The following ZNF331 variants were observed in gnomAD, a reference collection of about 807,000 sequenced individuals.
ZNF331 encodes zinc finger protein 331.
ZNF331 carries 2 observed loss-of-function variants against 7.0 expected under a neutral mutation model. That is an observed-to-expected ratio of 0.29 (90% CI 0.12 to 0.90). ZNF331 has a LOEUF of 0.90. Ranked by LOEUF, ZNF331 falls within the 40% of genes least tolerant of loss-of-function variation. The pLI, the probability that ZNF331 is intolerant of heterozygous loss-of-function variation, is 0.58. For missense variants in ZNF331, 432 were observed against 587.7 expected, an observed-to-expected ratio of 0.74 and a Z score of 2.74; for synonymous variants, 196 against 205.4, an observed-to-expected ratio of 0.95 and a Z score of 0.39.
At chr19:53,521,650 A>C (rs1210192782) in exon 1 of ZNF331, 1 of 152,488 alleles carries the variant, frequency 6.6e-6, no homozygotes, top group Non-Finnish European at 1.5e-5. Context: ...CAGAGGTGGC[A>C]CGGCCAGGAC....
chr19:53,546,322 CTT>C (rs1242489638), intron 2 of ZNF331, among the ~76,000 whole-genome samples: 2 of 152,000 alleles, frequency 1.3e-5, no homozygotes, highest in Non-Finnish European at 2.9e-5. Flanking sequence ...ACTTAGGACT[CTT>C]TACTCTTTAT....
chr19:53,565,950 A>C (rs1418818692), intron 3 of ZNF331, among the ~76,000 whole-genome samples: 6 of 152,194 alleles, frequency 3.9e-5, no homozygotes, highest in Non-Finnish European at 8.8e-5. Flanking sequence ...TTTTGTTGCA[A>C]CAAATAGGTG....
Position 53,560,478 on chromosome 19 carries a change from G to A in ZNF331, c.-74+4570G>A, listed in dbSNP as rs1393667750. Reference sequence around the variant, plus strand: ...GTTCCATAACAGGAAGGTTATGCCTGATTCAGTGACACTACTTTTTCAATA... The same window carrying A: ...GTTCCATAACAGGAAGGTTATGCCTAATTCAGTGACACTACTTTTTCAATA... On this transcript the variant is annotated intron_variant, in intron 3 of 5. Transcript: ENST00000449416. The surrounding 1 kb of genome is among the most constrained non-coding windows in gnomAD (Gnocchi z 4.3). Among the ~76,000 whole-genome samples the A allele has an allele frequency of 6.6e-6, 1 of 152,150 alleles. No individual in the cohort carries two copies. Among genetic ancestry groups the A allele is most frequent in the Non-Finnish European group, 1.5e-5 (1 of 68,018 alleles).
At chr19:53,562,563 G>A (rs937834629) in intron 3 of ZNF331, among the ~76,000 whole-genome samples, 4 of 151,678 alleles carry the variant, frequency 2.6e-5, no homozygotes, top group Admixed American at 1.3e-4. Context: ...GGTGGCAAGC[G>A]CCTATAATCC....
the ZNF331 span, among the ~76,000 whole-genome samples, chr19:53,514,403 A>G: frequency 6.6e-6 from 1 of 150,960 alleles, no homozygotes; most frequent in Non-Finnish European, 1.5e-5. Context: ...GTTTCACCAT[A>G]TCGGTCAGGC....
At chr19:53,509,195 G>T in the ZNF331 span, among the ~76,000 whole-genome samples, 1 of 152,164 alleles carries the variant, frequency 6.6e-6, no homozygotes, top group Non-Finnish European at 1.5e-5. Flanking sequence ...CTAGTGAGGA[G>T]TGTGCCCTTT....
intron 2 of ZNF331, among the ~76,000 whole-genome samples, chr19:53,527,129 C>T (rs1048919566): frequency 1.3e-5 from 2 of 151,764 alleles, no homozygotes; most frequent in Non-Finnish European, 2.9e-5. Flanking sequence ...TTGGAGGTTG[C>T]AGTGAGAGCC....
chr19:53,572,561 C>CACACACATATATATTATATAT lies in ZNF331; in HGVS notation c.136+836_136+837insCATATATATTATATATACACA, dbSNP rs1568542227. Among the ~76,000 whole-genome samples the CACACACATATATATTATATAT allele has an allele frequency of 8.7e-5, 9 of 103,888 alleles. No individual in the cohort carries two copies. In the East Asian group the frequency reaches 1.1e-3, roughly 13 times the overall value. 68.2% of individuals were successfully genotyped at this position (103,888 alleles called of 152,430 possible). ...CACACACATATATATTATATATACA[C>CACACACATATATATTATATAT]ACACATATATATTATATATACACAT... On this transcript the variant is annotated intron_variant, in intron 5 of 5. Coordinates refer to ENST00000449416, the MANE Select transcript of ZNF331 (RefSeq NM_001079906.2).
chr19:53,538,594 G>GTGC (rs1376605939), intron 1 of ZNF331: 1 of 152,972 alleles, frequency 6.5e-6, no homozygotes, highest in African/African-American at 2.4e-5. Flanking sequence ...TAGCATGGCC[G>GTGC]TGCTGGGCGT....
At chr19:53,561,723 T>G (rs1207668387) in intron 3 of ZNF331, among the ~76,000 whole-genome samples, 1 of 152,076 alleles carries the variant, frequency 6.6e-6, no homozygotes, top group Non-Finnish European at 1.5e-5. Context: ...CATGGTGGTG[T>G]GTGCCTATGG....
At chr19:53,559,964 A>C (rs745933932) in intron 3 of ZNF331, among the ~76,000 whole-genome samples, 3 of 150,216 alleles carry the variant, frequency 2.0e-5, no homozygotes, top group African/African-American at 7.4e-5. Context: ...ACACATATAC[A>C]CCCCGTACAC....
chr19:53,537,279 G>C (rs2087794714), upstream of ZNF331: 1 of 152,198 alleles, frequency 6.6e-6, no homozygotes, highest in Non-Finnish European at 1.5e-5. Context: ...AATGAGAGCG[G>C]GACTCACGGG....
At chr19:53,544,460 G>C (rs1181566926) in intron 2 of ZNF331, among the ~76,000 whole-genome samples, 4 of 149,612 alleles carry the variant, frequency 2.7e-5, no homozygotes, top group Non-Finnish European at 5.9e-5. Flanking sequence ...CAGGAGAATG[G>C]CGTGAACCCA....
chr19:53,537,497 C>T (rs1362116423), upstream of ZNF331: 1 of 152,344 alleles, frequency 6.6e-6, no homozygotes. Flanking sequence ...GGTGACACAG[C>T]TCCTTTCCCA....
chr19:53,553,708 C>G (rs1451941457), intron 2 of ZNF331, among the ~76,000 whole-genome samples: 1 of 152,204 alleles, frequency 6.6e-6, no homozygotes, highest in Non-Finnish European at 1.5e-5. Context: ...TGTTTACAAT[C>G]CAGCAAGCAA....
At chr19:53,525,688 T>C (rs2087266992) in intron 2 of ZNF331, among the ~76,000 whole-genome samples, 1 of 152,226 alleles carries the variant, frequency 6.6e-6, no homozygotes, top group African/African-American at 2.4e-5. Flanking sequence ...TAGTCATTTT[T>C]TGATGGAGCT....
In ZNF331 at chr19:53,571,782, C is replaced by T. The variant is rs2090456268; in HGVS notation, c.136+52C>T. The T allele has an allele frequency of 1.3e-6, 2 of 1,541,490 alleles. No homozygotes were observed. The highest frequency in any genetic ancestry group is 1.2e-5 in the South Asian group (1 of 80,754). ...GACTGCCTCCTGGAATATCCGCTCT[C>T]CCCTGTGAATTTCAGGACCGCCTTT... On this transcript the variant is annotated intron_variant, in intron 5 of 5. Transcript: ENST00000449416. This position sits in a 1 kb window ranked among gnomAD's most constrained non-coding sequence, Gnocchi z 4.7.
In ZNF331 at chr19:53,560,475, C is replaced by G. The variant is rs1477905601; in HGVS notation, c.-74+4567C>G. 1.3e-5 allele frequency among the ~76,000 whole-genome samples: 2 copies of G among 152,112 alleles called. No individual in the cohort carries two copies. Among genetic ancestry groups the G allele is most frequent in the African/African-American group, 4.8e-5 (2 of 41,394 alleles). Reference sequence around the variant, plus strand: ...GATGTTCCATAACAGGAAGGTTATGCCTGATTCAGTGACACTACTTTTTCA... The same window carrying G: ...GATGTTCCATAACAGGAAGGTTATGGCTGATTCAGTGACACTACTTTTTCA... On this transcript the variant is annotated intron_variant, in intron 3 of 5. Coordinates refer to ENST00000449416, the MANE Select transcript of ZNF331 (RefSeq NM_001079906.2). This position sits in a 1 kb window ranked among gnomAD's most constrained non-coding sequence, Gnocchi z 4.3.
chr19:53,531,073 G>T (rs1156915836), intron 2 of ZNF331, among the ~76,000 whole-genome samples: 2 of 152,058 alleles, frequency 1.3e-5, no homozygotes, highest in Admixed American at 1.3e-4. Flanking sequence ...TCTAATGTAG[G>T]CTGCGCACCT....
Sources: allele counts gnomAD v4.1 joint callset (sites outside exome capture counted in the v4.1 genomes callset), GRCh38; gene constraint gnomAD v4.1.1; non-coding constraint Gnocchi (gnomAD v3.1); transcripts MANE v1.5; gene names NCBI Gene and HGNC (gene_info 2026-07-23, HGNC 2026-07-21).